Variants in CDK17 observed in about 807,000 individuals in gnomAD.
CDK17 encodes cyclin dependent kinase 17.
In CDK17, 24 loss-of-function variants were observed where a neutral mutation model predicts 77.6. The observed-to-expected ratio is 0.31, with a 90% CI of 0.22 to 0.44. CDK17 has a LOEUF of 0.44. Ranked by LOEUF, CDK17 falls within the 20% of genes least tolerant of loss-of-function variation. CDK17 has a pLI of 1.00. For synonymous variants in CDK17, 203 were observed against 210.4 expected, an observed-to-expected ratio of 0.96 and a Z score of 0.30; for missense variants, 429 against 622.5, an observed-to-expected ratio of 0.69 and a Z score of 3.31.
At chr12:96,366,219 CTT>C (rs1565837691) in intron 1 of CDK17, among the ~76,000 whole-genome samples, 1 of 152,168 alleles carries the variant, frequency 6.6e-6, no homozygotes, top group East Asian at 1.9e-4. Flanking sequence ...TTAACAAACT[CTT>C]TTTGAGAACA....
At chr12:96,284,606 A>G (rs1952223822) in intron 13 of CDK17, among the ~76,000 whole-genome samples, 1 of 143,832 alleles carries the variant, frequency 7.0e-6, no homozygotes, top group Non-Finnish European at 1.5e-5. Context: ...CTTGTTGCCT[A>G]GGCTGGAGTG....
At chr12:96,320,161 C>A (rs1034466045) in intron 3 of CDK17, among the ~76,000 whole-genome samples, 1 of 151,824 alleles carries the variant, frequency 6.6e-6, no homozygotes, top group African/African-American at 2.4e-5. Flanking sequence ...TATACACCAA[C>A]AACAGACAAA....
At chr12:96,291,229 T>C (rs1043519709) in intron 10 of CDK17, among the ~76,000 whole-genome samples, 14 of 152,050 alleles carry the variant, frequency 9.2e-5, no homozygotes, top group African/African-American at 3.4e-4. Context: ...CTGGCTTGCA[T>C]TGTAGAGGTT....
At chr12:96,284,748 T>A (rs1337798766) in intron 13 of CDK17, among the ~76,000 whole-genome samples, 1 of 151,776 alleles carries the variant, frequency 6.6e-6, no homozygotes, top group Non-Finnish European at 1.5e-5. Flanking sequence ...GTATTTTTAG[T>A]AGACAGGGTT....
rs35899533 is a variant in CDK17 at position 96,358,370 on chromosome 12, T to TAAA, written c.-29-23508_-29-23506dup. Among the ~76,000 whole-genome samples, 67 of 35,172 alleles carry TAAA rather than the reference T, an allele frequency of 1.9e-3. 5 individuals carry two copies. The highest frequency in any genetic ancestry group is 7.0e-3 in the African/African-American group (60 of 8,550). The allele number at this position is 35,172 out of a possible 152,430, so 23.1% of individuals were successfully genotyped here. On this transcript the variant is annotated intron_variant, in intron 1 of 16. Transcript: ENST00000261211. ...AAGCCCAGAACTCTGTGCAAACTTG[T>TAAA]AAAAAAAAAAAAAAAAAAAAAAAAA...
intron 2 of CDK17, among the ~76,000 whole-genome samples, chr12:96,329,336 T>A (rs1184584058): frequency 6.6e-6 from 1 of 152,184 alleles, no homozygotes; most frequent in Non-Finnish European, 1.5e-5. Flanking sequence ...AATAGAAATC[T>A]ATATGAAAAA....
chr12:96,285,251 A>G (rs1952231749), intron 13 of CDK17, among the ~76,000 whole-genome samples: 1 of 152,254 alleles, frequency 6.6e-6, no homozygotes, highest in African/African-American at 2.4e-5. Flanking sequence ...TAGTTGCTAT[A>G]GTAACAATAA....
chr12:96,394,835 ATATT>A lies in CDK17; in HGVS notation c.-30+5147_-30+5150del, dbSNP rs1366920773. Among the ~76,000 whole-genome samples the A allele has an allele frequency of 4.7e-5, 7 of 150,298 alleles. No homozygotes were observed. The East Asian group carries it at 5.8e-4, about 12-fold the overall frequency. ...AAGAAAAAAAAAAGGTAGACAAAAA[ATATT>A]TATTATTTTATTTTTATTTATTATT... On this transcript the variant is annotated intron_variant, in intron 1 of 16. Coordinates refer to ENST00000261211, the MANE Select transcript of CDK17 (RefSeq NM_002595.5).
intron 2 of CDK17, among the ~76,000 whole-genome samples, chr12:96,329,265 C>T (rs1334812252): frequency 1.3e-5 from 2 of 152,040 alleles, no homozygotes; most frequent in Non-Finnish European, 2.9e-5. Context: ...TGCTGCTGAA[C>T]TGTATACTAT....
In CDK17 at chr12:96,400,380, G is replaced by A. The variant is rs1954244727; in HGVS notation, c.-424C>T. The A allele has an allele frequency of 7.8e-6, 3 of 385,194 alleles. No individual in the cohort carries two copies. The highest frequency in any genetic ancestry group is 1.4e-5 in the Non-Finnish European group (3 of 217,794). 23.9% of individuals were successfully genotyped at this position (385,194 alleles called of 1,614,324 possible). A position where few individuals can be genotyped will look rare whatever the true frequency, so the allele number is the denominator to read the frequency against. ...CGGCCCGCGGGGAGCTCAGGAGACT[G>A]CGGGCGGCCGCGTTCGCTCCTTGCG... On this transcript the variant is annotated 5_prime_UTR_variant, in exon 1 of 17. Transcript: ENST00000261211.
intron 1 of CDK17, among the ~76,000 whole-genome samples, chr12:96,350,705 T>C (rs1953297037): frequency 6.6e-6 from 1 of 152,116 alleles, no homozygotes; most frequent in African/African-American, 2.4e-5. Flanking sequence ...CCTTACACCA[T>C]ATACAAGAGT....
In CDK17 at chr12:96,287,231, A is replaced by G. The variant is rs368956229; in HGVS notation, c.1119-470T>C. Among the ~76,000 whole-genome samples, 18 of 152,192 alleles carry G rather than the reference A, an allele frequency of 1.2e-4. No homozygotes were observed. In the East Asian group the frequency reaches 3.3e-3, roughly 28 times the overall value. ...AATGGAGAGAAACAAATGATTCAAG[A>G]CGTTTTGATGCAGGAAGCAGAGGTA... On this transcript the variant is annotated intron_variant, in intron 11 of 16. Transcript: ENST00000261211.
At chr12:96,396,407 T>C (rs562240664) in intron 1 of CDK17, among the ~76,000 whole-genome samples, 4 of 152,190 alleles carry the variant, frequency 2.6e-5, no homozygotes, top group Non-Finnish European at 4.4e-5. Context: ...TTCAAAGAAA[T>C]TGCCAACATT....
chr12:96,303,129 T>C (rs1250069328), intron 5 of CDK17: 1 of 152,190 alleles, frequency 6.6e-6, no homozygotes, highest in Non-Finnish European at 1.5e-5. Context: ...AATGACTAGC[T>C]TGTTGACGTG....
chr12:96,393,354 CAAAA>C (rs10633197), intron 1 of CDK17, among the ~76,000 whole-genome samples: 14 of 43,342 alleles, frequency 3.2e-4, no homozygotes, highest in Admixed American at 1.1e-3. Flanking sequence ...GGCTCCGCCT[CAAAA>C]AAAAAAAAAA....
intron 1 of CDK17, among the ~76,000 whole-genome samples, chr12:96,396,712 A>G (rs1160468090): frequency 6.6e-6 from 1 of 152,208 alleles, no homozygotes; most frequent in African/African-American, 2.4e-5. Flanking sequence ...CCTAGAGAAT[A>G]TAATTTTTAC....
At position 96,387,758 on chromosome 12, in the gene CDK17, A is replaced by G. The variant is rs534430703; in HGVS notation, c.-30+12228T>C. Among the ~76,000 whole-genome samples, 179 of 152,260 alleles carry G rather than the reference A, an allele frequency of 1.2e-3. 4 individuals carry two copies. Among genetic ancestry groups the G allele is most frequent in the Non-Finnish European group, 1.1e-3 (78 of 68,014 alleles). On this transcript the variant is annotated intron_variant, in intron 1 of 16. Transcript: ENST00000261211. ...GGAGTTCAAGACTAGCCTGGGCAAC[A>G]TAGTGAGACCCTGTCTCTATCAAAA...
intron 1 of CDK17, among the ~76,000 whole-genome samples, chr12:96,351,453 C>T (rs1481627683): frequency 3.3e-5 from 5 of 152,050 alleles, no homozygotes; most frequent in Middle Eastern, 3.2e-3. Flanking sequence ...CATATACATA[C>T]GATGCCATAA....
At chr12:96,332,143 A>G (rs905592760) in intron 2 of CDK17, among the ~76,000 whole-genome samples, 1 of 152,220 alleles carries the variant, frequency 6.6e-6, no homozygotes, top group African/African-American at 2.4e-5. Context: ...CAGTACCATA[A>G]TACACTGTAC....
Sources: gnomAD v4.1 joint callset for allele counts (sites outside exome capture counted in the v4.1 genomes callset) on GRCh38, gnomAD v4.1.1 for gene constraint, MANE v1.5 for transcripts, NCBI Gene and HGNC (gene_info 2026-07-23, HGNC 2026-07-21) for gene names.